Variants in SOX6 observed in about 807,000 individuals in gnomAD.
SOX6 encodes SRY-box transcription factor 6.
SOX6 carries 11 observed loss-of-function variants against 97.8 expected under a neutral mutation model. The ratio of observed to expected loss-of-function variants is 0.11; its 90% CI spans 0.07 to 0.19. SOX6 has a LOEUF of 0.19. SOX6 is among the 10% of genes least tolerant of loss of function. The probability of loss-of-function intolerance (pLI) is 1.00; values close to 1 mark genes in which losing one functional copy is unlikely to be tolerated. For synonymous variants in SOX6, 360 were observed against 371.4 expected, an observed-to-expected ratio of 0.97 and a Z score of 0.35; for missense variants, 810 against 1,039.5, an observed-to-expected ratio of 0.78 and a Z score of 3.04.
intron 3 of SOX6, among the ~76,000 whole-genome samples, chr11:16,710,689 CT>C (rs1848172703): frequency 6.6e-6 from 1 of 152,180 alleles, no homozygotes; most frequent in Admixed American, 6.5e-5. Flanking sequence ...AAATCTATCT[CT>C]TTTCCTGGAT....
chr11:16,737,337 G>A (rs1484939896), intron 1 of SOX6, among the ~76,000 whole-genome samples: 2 of 152,132 alleles, frequency 1.3e-5, no homozygotes, highest in Non-Finnish European at 2.9e-5. Context: ...CTCCCGAGTA[G>A]CTGGGATTAG....
intron 4 of SOX6, among the ~76,000 whole-genome samples, chr11:16,520,926 AG>A (rs1357249936): frequency 6.6e-6 from 1 of 152,146 alleles, no homozygotes; most frequent in Non-Finnish European, 1.5e-5. Flanking sequence ...AGGCTGGGGG[AG>A]GGGTGCCCCG....
intron 1 of SOX6, among the ~76,000 whole-genome samples, chr11:16,371,396 A>G (rs1157251360): frequency 2.6e-5 from 4 of 151,828 alleles, no homozygotes; most frequent in African/African-American, 9.7e-5. Flanking sequence ...GGTGCTCCCT[A>G]TCCCCCTTTT....
intron 4 of SOX6, among the ~76,000 whole-genome samples, chr11:16,509,174 CATTT>C (rs1860837324): frequency 6.6e-6 from 1 of 151,538 alleles, no homozygotes; most frequent in Non-Finnish European, 1.5e-5. Flanking sequence ...TATTTAATTG[CATTT>C]ATTTAATTGA....
In SOX6 at chr11:16,537,183, C is replaced by T. The variant is rs560582485; in HGVS notation, n.610-60795G>A. 2.6e-5 allele frequency among the ~76,000 whole-genome samples: 4 copies of T among 152,316 alleles called. No homozygotes were observed. The East Asian group carries it at 7.7e-4, about 29-fold the overall frequency. ...CCACCGTTGGTGATACCCAGGCAAACAAGATCTGGAGTGGACCTCCGGCGA... is the reference window on the plus strand; with the variant it reads ...CCACCGTTGGTGATACCCAGGCAAATAAGATCTGGAGTGGACCTCCGGCGA... On this transcript the variant is annotated intron_variant and non_coding_transcript_variant, in intron 4 of 5. Coordinates refer to the SOX6 transcript ENST00000524520.
At position 16,533,971 on chromosome 11, in the gene SOX6, C is replaced by G. The variant is rs537427881; in HGVS notation, n.610-57583G>C. Among the ~76,000 whole-genome samples, 7 of 152,188 alleles carry G rather than the reference C, an allele frequency of 4.6e-5. No homozygotes were observed. In the South Asian group the frequency reaches 1.5e-3, roughly 32 times the overall value. On this transcript the variant is annotated intron_variant and non_coding_transcript_variant, in intron 4 of 5. Transcript: ENST00000524520. ...TCTTGTGTGCACCTTACATACCAGT[C>G]TATGTCTCAAAAGCACATAAAGTTT...
chr11:16,196,083 C>T (rs1404604378), intron 4 of SOX6, among the ~76,000 whole-genome samples: 1 of 152,196 alleles, frequency 6.6e-6, no homozygotes, highest in Admixed American at 6.5e-5. Context: ...TCTGCTCTAG[C>T]CCACTATGCC....
At chr11:16,355,889 T>C (rs551521638) in intron 1 of SOX6, among the ~76,000 whole-genome samples, 1 of 152,172 alleles carries the variant, frequency 6.6e-6, no homozygotes, top group Admixed American at 6.6e-5. Context: ...AAATCTGTTT[T>C]TAAATAGTCT....
chr11:16,371,498 C>T (rs964215151), intron 1 of SOX6, among the ~76,000 whole-genome samples: 12 of 151,936 alleles, frequency 7.9e-5, no homozygotes, highest in Middle Eastern at 3.4e-3. Flanking sequence ...TTGCCTGTTT[C>T]CCTCTACTAG....
At chr11:16,216,611 CTAAA>C (rs994331705) in intron 4 of SOX6, among the ~76,000 whole-genome samples, 1 of 109,550 alleles carries the variant, frequency 9.1e-6, no homozygotes, top group Non-Finnish European at 2.0e-5. Context: ...TCTTTTCAGA[CTAAA>C]AAAAAAAAAA....
intron 4 of SOX6, among the ~76,000 whole-genome samples, chr11:16,514,215 CAAAAAAAAA>C (rs35019872): frequency 4.9e-5 from 5 of 102,696 alleles, no homozygotes; most frequent in African/African-American, 1.9e-4. Flanking sequence ...GTCCCTGGCT[CAAAAAAAAA>C]AAAAAAAAGG....
At chr11:16,514,544 T>C (rs1431183073) in intron 4 of SOX6, among the ~76,000 whole-genome samples, 1 of 152,100 alleles carries the variant, frequency 6.6e-6, no homozygotes, top group Non-Finnish European at 1.5e-5. Flanking sequence ...GTCAGAGTTT[T>C]TTTTTTCTTT....
At chr11:16,332,340 T>C (rs1481906764) in intron 2 of SOX6, among the ~76,000 whole-genome samples, 1 of 152,152 alleles carries the variant, frequency 6.6e-6, no homozygotes, top group African/African-American at 2.4e-5. Context: ...AATTATCATA[T>C]AAATATTTGA....
At chr11:16,604,087 C>A (rs1371961696) in intron 4 of SOX6, among the ~76,000 whole-genome samples, 2 of 152,248 alleles carry the variant, frequency 1.3e-5, no homozygotes, top group East Asian at 3.9e-4. Context: ...AGCAACTGTT[C>A]AAAACAAAAT....
At chr11:16,555,037 A>C (rs1439439092) in intron 4 of SOX6, among the ~76,000 whole-genome samples, 1 of 152,032 alleles carries the variant, frequency 6.6e-6, no homozygotes, top group Admixed American at 6.6e-5. Context: ...AAGATGTACA[A>C]GACTACTTCT....
At chr11:16,192,612 T>C (rs1444741931) in intron 4 of SOX6, among the ~76,000 whole-genome samples, 1 of 152,068 alleles carries the variant, frequency 6.6e-6, no homozygotes, top group Admixed American at 6.6e-5. Context: ...TGAAATGTAC[T>C]ATTTTTTTTT....
At chr11:16,574,653 AG>A (rs1565184114) in intron 4 of SOX6, among the ~76,000 whole-genome samples, 1 of 152,226 alleles carries the variant, frequency 6.6e-6, no homozygotes, top group Non-Finnish European at 1.5e-5. Context: ...GATTCCATAA[AG>A]TGAAAAGACA....
chr11:16,043,165 T>A (rs1855724878), intron 12 of SOX6, among the ~76,000 whole-genome samples: 1 of 152,180 alleles, frequency 6.6e-6, no homozygotes, highest in Admixed American at 6.5e-5. Flanking sequence ...ATACTCTCTA[T>A]CTTAGAGATG....
intron 3 of SOX6, among the ~76,000 whole-genome samples, chr11:16,632,313 T>C (rs959484735): frequency 2.0e-5 from 3 of 152,240 alleles, no homozygotes; most frequent in Non-Finnish European, 4.4e-5. Flanking sequence ...GTCTGCTGGC[T>C]TTGCTTCTAA....
Sources: allele counts gnomAD v4.1 joint callset (sites outside exome capture counted in the v4.1 genomes callset), GRCh38; gene constraint gnomAD v4.1.1; transcripts MANE v1.5; gene names NCBI Gene and HGNC (gene_info 2026-07-23, HGNC 2026-07-21).